The following ACAD10 variants were observed in gnomAD, a reference collection of about 807,000 sequenced individuals.
ACAD10 encodes the protein ACAD-10.
ACAD10 carries 112 observed loss-of-function variants against 116.8 expected under a neutral mutation model. The observed-to-expected ratio is 0.96, with a 90% CI of 0.82 to 1.12. ACAD10 has a LOEUF of 1.12. Among genes scored for constraint, ACAD10 ranks in the 50% most tolerant of loss-of-function variants. The pLI is 0.00. For synonymous variants in ACAD10, 486 were observed against 510.6 expected, an observed-to-expected ratio of 0.95 and a Z score of 0.65; for missense variants, 1,259 against 1,350.2, an observed-to-expected ratio of 0.93 and a Z score of 1.06.
Position 111,749,344 on chromosome 12 carries a change from G to T in ACAD10, c.2816G>T (p.Arg939Leu), listed in dbSNP as rs75655687. 2.9e-3 allele frequency: 4,683 copies of T among 1,611,350 alleles called. 124 individuals carry two copies. In the African/African-American group the frequency reaches 0.054, roughly 18 times the overall value. The change falls in exon 18 of 21, where the codon CGC (arginine) becomes CTC (leucine). Residue 939 changes from arginine to leucine, a missense_variant and splice_region_variant. By Grantham distance (102) the Arg-to-Leu change is moderately radical. Transcript: ENST00000313698. ...AGGGCCCTGGCACTCATGAAGGCCCGCGTGAGTGCTTTCCCCCGCACCCAG... is the reference window on the plus strand; with the variant it reads ...AGGGCCCTGGCACTCATGAAGGCCCTCGTGAGTGCTTTCCCCCGCACCCAG... ...SERALALMKA[R>L]VKSRLAFGKP...
intron 7 of ACAD10, among the ~76,000 whole-genome samples, chr12:111,717,173 A>G (rs1010796308): frequency 6.6e-6 from 1 of 152,116 alleles, no homozygotes; most frequent in Non-Finnish European, 1.5e-5. Flanking sequence ...CCTGGGCAAC[A>G]TGGTGAAACC....
chr12:111,728,856 A>T (rs1371614759), intron 9 of ACAD10, among the ~76,000 whole-genome samples: 2 of 151,798 alleles, frequency 1.3e-5, no homozygotes, highest in Non-Finnish European at 2.9e-5. Context: ...TGCCCAGCTA[A>T]TTTTTGTATT....
At chr12:111,738,000 A>G (rs1397140688) in intron 12 of ACAD10, among the ~76,000 whole-genome samples, 2 of 151,940 alleles carry the variant, frequency 1.3e-5, no homozygotes, top group African/African-American at 4.8e-5. Context: ...TTATAGGCAC[A>G]TACCACCATA....
rs1053542742 is a variant in ACAD10 at position 111,715,935 on chromosome 12, C to T, written c.965C>T (p.Ser322Phe). The change falls in exon 7 of 21, where the codon TCT becomes TTT. Residue 322 changes from serine to phenylalanine, a missense_variant. Transcript: ENST00000313698. ...AAGCCCCCAGGGACACTCCTTCCATCTGCCCATGCCATAGAGAGGGAGTTC... is the reference window on the plus strand; with the variant it reads ...AAGCCCCCAGGGACACTCCTTCCATTTGCCCATGCCATAGAGAGGGAGTTC... ...RKKPPGTLLP[S>F]AHAIEREFRI... is the part of the protein sequence containing the mutation. The T allele has an allele frequency of 3.1e-6, 5 of 1,614,096 alleles. No homozygotes were observed. The highest frequency in any genetic ancestry group is 1.7e-4 in the Middle Eastern group (1 of 6,060).
chr12:111,750,313 G>A lies in ACAD10; in HGVS notation c.2817+968G>A, dbSNP rs910849567. On this transcript the variant is annotated intron_variant, in intron 18 of 20. Coordinates refer to ENST00000313698, the MANE Select transcript of ACAD10 (RefSeq NM_025247.6). The stretch of plus-strand genomic sequence containing the variant: ...TCACCATGTTAGCCAGGATGGTTTC[G>A]ATCTCACCGTGTTAGCCAGGATGGT... 5.3e-5 allele frequency among the ~76,000 whole-genome samples: 8 copies of A among 151,126 alleles called. 1 individual carries two copies. The highest frequency in any genetic ancestry group is 3.3e-4 in the Admixed American group (5 of 15,132).
chr12:111,736,747 C>T (rs896893853), intron 11 of ACAD10, 84 bp from the exon 12 acceptor site: 51 of 1,425,646 alleles, frequency 3.6e-5, no homozygotes, highest in Admixed American at 1.4e-4. Context: ...AGGGACATGG[C>T]GATTTTCAGA....
chr12:111,755,026 G>A (rs528176020), intron 19 of ACAD10, among the ~76,000 whole-genome samples: 6 of 152,290 alleles, frequency 3.9e-5, no homozygotes, highest in Admixed American at 6.5e-5. Flanking sequence ...TGTTTTGGAC[G>A]GTGGTGTTTG....
chr12:111,702,347 T>C (rs774997029), intron 3 of ACAD10, 37 bp downstream of exon 3: 4 of 1,604,452 alleles, frequency 2.5e-6, no homozygotes, highest in Non-Finnish European at 3.4e-6. Context: ...CATATTTTTC[T>C]TTTTGCCTTG....
intron 6 of ACAD10, among the ~76,000 whole-genome samples, chr12:111,714,390 G>C: frequency 6.6e-6 from 1 of 151,978 alleles, no homozygotes; most frequent in Non-Finnish European, 1.5e-5. Context: ...TTGGGCCAGG[G>C]GTGGTGGCTC....
intron 12 of ACAD10, among the ~76,000 whole-genome samples, chr12:111,741,542 G>T (rs928813764): frequency 6.6e-6 from 1 of 152,146 alleles, no homozygotes; most frequent in Admixed American, 6.6e-5. Context: ...CACCCCACCT[G>T]TTTGCCACCA....
At position 111,702,229 on chromosome 12, in the gene ACAD10, T is replaced by G; in HGVS notation, c.255T>G (p.Asn85Lys). ...AGGCCTTGATGGAAGGTGGTGAAAA[T>G]GGGCCCTGGATGAGATTTATGAGAG... The part of the protein sequence containing the change: ...ILKALMEGGE[N>K]GPWMRFMRAE... Residue 85 changes from asparagine (N) to lysine (K), a missense_variant, in exon 3 of 21, where the codon AAT becomes AAG. By Grantham distance (94) the Asn-to-Lys change is moderately conservative. Transcript: ENST00000313698. The G allele has an allele frequency of 6.2e-7, 1 of 1,614,030 alleles. No homozygotes were observed. The highest frequency in any genetic ancestry group is 8.5e-7 in the Non-Finnish European group (1 of 1,180,000).
At chr12:111,732,332 A>G (rs1040081678) in intron 10 of ACAD10, among the ~76,000 whole-genome samples, 1 of 152,208 alleles carries the variant, frequency 6.6e-6, no homozygotes, top group Non-Finnish European at 1.5e-5. Flanking sequence ...CTCAAAAAAG[A>G]TAATCGAAGT....
intron 1 of ACAD10, among the ~76,000 whole-genome samples, chr12:111,687,321 T>C (rs1566136589): frequency 6.6e-6 from 1 of 152,204 alleles, no homozygotes; most frequent in Non-Finnish European, 1.5e-5. Flanking sequence ...TTCTCAACTC[T>C]GCACTATTAA....
chr12:111,701,521 C>T (rs1350827832), intron 2 of ACAD10, among the ~76,000 whole-genome samples: 1 of 152,136 alleles, frequency 6.6e-6, no homozygotes, highest in Non-Finnish European at 1.5e-5. Flanking sequence ...AGAAATTAGC[C>T]AGGCTTGGTG....
At chr12:111,704,529 G>A (rs1888441198) in intron 3 of ACAD10, among the ~76,000 whole-genome samples, 1 of 151,878 alleles carries the variant, frequency 6.6e-6, no homozygotes, top group Admixed American at 6.6e-5. Context: ...CCATTGAATT[G>A]TACTCTTTAA....
chr12:111,734,183 G>C (rs1444244949), intron 11 of ACAD10, 115 bp downstream of exon 11: 2 of 1,407,136 alleles, frequency 1.4e-6, no homozygotes, highest in Admixed American at 3.9e-5. Flanking sequence ...TGAGGTCCTG[G>C]TGGTTCTGGT....
rs2068088398 is a variant in ACAD10 at position 111,756,743 on chromosome 12, C to G, written c.*270C>G. ...AGTCTGGAAAGCTGGTCTTCAGGCT[C>G]TCAGTCCCAGGCTGGGCAGGCACGG... On this transcript the variant is annotated 3_prime_UTR_variant, in exon 21 of 21. Coordinates refer to ENST00000313698, the MANE Select transcript of ACAD10 (RefSeq NM_025247.6). 4.8e-6 allele frequency: 3 copies of G among 621,986 alleles called. No individual in the cohort carries two copies. Among genetic ancestry groups the G allele is most frequent in the South Asian group, 1.5e-5 (1 of 66,116 alleles). The allele number at this position is 621,986 out of a possible 1,614,324, so 38.5% of individuals were successfully genotyped here. A position where few individuals can be genotyped will look rare whatever the true frequency, so the allele number is the denominator to read the frequency against.
chr12:111,715,796 G>C (rs1275014991), intron 6 of ACAD10, 25 bp from the exon 7 acceptor site: 2 of 1,613,964 alleles, frequency 1.2e-6, no homozygotes, highest in South Asian at 2.2e-5. Flanking sequence ...GCTGGTTTGA[G>C]TTTTCTTTGT....
intron 12 of ACAD10, among the ~76,000 whole-genome samples, chr12:111,742,766 A>C: frequency 6.6e-6 from 1 of 152,212 alleles, no homozygotes; most frequent in Non-Finnish European, 1.5e-5. Flanking sequence ...CTGGAGTGCA[A>C]TGGCATGATC....
Sources: gnomAD v4.1 joint callset for allele counts (sites outside exome capture counted in the v4.1 genomes callset) on GRCh38, gnomAD v4.1.1 for gene constraint, MANE v1.5 for transcripts, NCBI Gene and HGNC (gene_info 2026-07-23, HGNC 2026-07-21) for gene names.